Variants in MGAT5 observed in about 807,000 individuals in gnomAD.
MGAT5 encodes alpha-1,6-mannosylglycoprotein 6-beta-N-acetylglucosaminyltransferase A.
MGAT5 carries 30 observed loss-of-function variants against 94.3 expected under a neutral mutation model. The observed-to-expected ratio is 0.32, with a 90% CI of 0.24 to 0.43. The LOEUF (loss-of-function observed/expected upper bound fraction) is 0.43. Ranked by LOEUF, MGAT5 falls within the 20% of genes least tolerant of loss-of-function variation. MGAT5 has a pLI of 1.00. For missense variants in MGAT5, 691 were observed against 905.5 expected (o/e 0.76, Z 3.04); for synonymous variants, 310 against 322.9 (o/e 0.96, Z 0.43).
intron 1 of MGAT5, among the ~76,000 whole-genome samples, chr2:134,242,156 T>C (rs1247772288): frequency 6.6e-6 from 1 of 152,146 alleles, no homozygotes; most frequent in Non-Finnish European, 1.5e-5. Context: ...CAAACCCCCA[T>C]GATGTTGAAC....
At chr2:134,341,438 C>T in intron 6 of MGAT5, 152 bp from the exon 7 acceptor site, 1 of 632,446 alleles carries the variant, frequency 1.6e-6, no homozygotes, top group Non-Finnish European at 2.6e-6. Flanking sequence ...GATTTCCTTC[C>T]TTTGTACCTT....
chr2:134,393,693 A>G (rs1682545398), intron 10 of MGAT5, among the ~76,000 whole-genome samples: 2 of 152,126 alleles, frequency 1.3e-5, no homozygotes, highest in Non-Finnish European at 2.9e-5. Context: ...CTACTCTAGA[A>G]TCATATGATT....
At chr2:134,328,141 A>G (rs1016753864) in intron 4 of MGAT5, among the ~76,000 whole-genome samples, 3 of 152,036 alleles carry the variant, frequency 2.0e-5, no homozygotes, top group Admixed American at 6.6e-5. Flanking sequence ...GGATTATTGA[A>G]AGTGTCTTAT....
At chr2:134,364,987 T>A (rs931128484) in intron 10 of MGAT5, among the ~76,000 whole-genome samples, 3 of 152,238 alleles carry the variant, frequency 2.0e-5, no homozygotes, top group Non-Finnish European at 4.4e-5. Context: ...CAGGATGTTT[T>A]ATCAGTCGTC....
chr2:134,127,421 C>T (rs1316334090), intron 1 of MGAT5, among the ~76,000 whole-genome samples: 1 of 151,982 alleles, frequency 6.6e-6, no homozygotes. Flanking sequence ...TGGGTAAATA[C>T]GATCAACTTT....
chr2:134,319,912 T>C (rs1398761151), intron 4 of MGAT5: 1 of 253,806 alleles, frequency 3.9e-6, no homozygotes. Context: ...TCTTATCTTT[T>C]AGAGCACTTC....
chr2:134,258,917 C>A (rs1181776385), intron 1 of MGAT5, among the ~76,000 whole-genome samples: 1 of 152,180 alleles, frequency 6.6e-6, no homozygotes, highest in Non-Finnish European at 1.5e-5. Flanking sequence ...TGTCAGGTGC[C>A]TGACATTGTG....
chr2:134,306,244 A>G (rs1315815614), intron 2 of MGAT5, among the ~76,000 whole-genome samples: 4 of 152,266 alleles, frequency 2.6e-5, no homozygotes, highest in African/African-American at 9.6e-5. Context: ...ATATAAACTT[A>G]CAGAAAATGG....
chr2:134,297,584 A>G (rs1183198539), intron 2 of MGAT5, among the ~76,000 whole-genome samples: 1 of 152,214 alleles, frequency 6.6e-6, no homozygotes, highest in Non-Finnish European at 1.5e-5. Flanking sequence ...TTGGTTTAAC[A>G]TTCAGAAATC....
At chr2:134,257,878 A>T (rs1683077978) in intron 1 of MGAT5, among the ~76,000 whole-genome samples, 1 of 128,710 alleles carries the variant, frequency 7.8e-6, no homozygotes, top group African/African-American at 3.0e-5. Context: ...GCCTATGTGC[A>T]GTGCATTGCC....
intron 1 of MGAT5, among the ~76,000 whole-genome samples, chr2:134,232,224 G>T (rs1416232761): frequency 2.6e-5 from 4 of 151,982 alleles, no homozygotes; most frequent in Admixed American, 2.6e-4. Context: ...GGCCTTTATT[G>T]GACTCATTTC....
At chr2:134,186,042 C>T (rs936066935) in intron 1 of MGAT5, among the ~76,000 whole-genome samples, 3 of 152,146 alleles carry the variant, frequency 2.0e-5, no homozygotes, top group Admixed American at 6.5e-5. Flanking sequence ...GCTTGGGGCT[C>T]GGGGCTCACA....
At chr2:134,265,313 A>G (rs1466010318) in intron 1 of MGAT5, among the ~76,000 whole-genome samples, 1 of 152,114 alleles carries the variant, frequency 6.6e-6, no homozygotes, top group Non-Finnish European at 1.5e-5. Flanking sequence ...TTTTACTGAG[A>G]TCCCATCTCC....
At chr2:134,247,495 G>A (rs377177719) in intron 1 of MGAT5, among the ~76,000 whole-genome samples, 6 of 151,992 alleles carry the variant, frequency 3.9e-5, no homozygotes, top group East Asian at 1.9e-4. Context: ...GAGTCTCTGC[G>A]ATATAAATTG....
intron 1 of MGAT5, among the ~76,000 whole-genome samples, chr2:134,171,867 CA>C (rs1396055530): frequency 6.6e-6 from 1 of 152,028 alleles, no homozygotes; most frequent in Non-Finnish European, 1.5e-5. Context: ...GGGAGAGGGC[CA>C]AGTTATGTAG....
At chr2:134,446,370 A>G (rs1049219975) in intron 15 of MGAT5, among the ~76,000 whole-genome samples, 4 of 151,776 alleles carry the variant, frequency 2.6e-5, no homozygotes, top group Non-Finnish European at 4.4e-5. Context: ...AGAGATTTCT[A>G]TGCTCTGGTT....
At chr2:134,262,957 C>G (rs1255152383) in intron 1 of MGAT5, among the ~76,000 whole-genome samples, 1 of 152,168 alleles carries the variant, frequency 6.6e-6, no homozygotes, top group Non-Finnish European at 1.5e-5. Flanking sequence ...TGTCATTGCC[C>G]TGTTCAAAAG....
rs140085227 is a variant in MGAT5 at position 134,124,713 on chromosome 2, C to G, written c.-143+4422C>G. Among the ~76,000 whole-genome samples the G allele has an allele frequency of 2.3e-3, 354 of 152,334 alleles. 2 individuals are homozygous for G. Among genetic ancestry groups the G allele is most frequent in the African/African-American group, 8.0e-3 (332 of 41,572 alleles). On this transcript the variant is annotated intron_variant, in intron 1 of 16. Coordinates refer to the MGAT5 transcript ENST00000409645. ...AGTGAACTCAGGAGTGAGTTACACC[C>G]AAGTACTTCTGTTACTAGTAAGAGT...
chr2:134,370,657 T>C (rs1680731491), intron 10 of MGAT5, among the ~76,000 whole-genome samples: 2 of 152,260 alleles, frequency 1.3e-5, no homozygotes, highest in South Asian at 4.1e-4. Context: ...CAAGCCATGG[T>C]TACCTGTGCC....
Sources: allele counts gnomAD v4.1 joint callset (sites outside exome capture counted in the v4.1 genomes callset), GRCh38; gene constraint gnomAD v4.1.1; transcripts MANE v1.5; gene names NCBI Gene and HGNC (gene_info 2026-07-23, HGNC 2026-07-21).